THSD7B: variants seen among roughly 807,000 people sequenced by gnomAD.
THSD7B encodes thrombospondin type 1 domain containing 7B.
THSD7B carries 138 observed loss-of-function variants against 213.6 expected under a neutral mutation model. The observed-to-expected ratio is 0.65, with a 90% CI of 0.56 to 0.74. The LOEUF is 0.74. Among genes scored for constraint, THSD7B ranks in the 30% least tolerant of loss-of-function variants. THSD7B has a pLI of 0.00. For synonymous variants in THSD7B, 742 were observed against 687.0 expected, an observed-to-expected ratio of 1.08 and a Z score of -1.25; for missense variants, 1,931 against 1,991.5, an observed-to-expected ratio of 0.97 and a Z score of 0.58.
At chr2:137,634,199 T>C (rs1682791485) in intron 20 of THSD7B, among the ~76,000 whole-genome samples, 1 of 152,146 alleles carries the variant, frequency 6.6e-6, no homozygotes, top group Non-Finnish European at 1.5e-5. Context: ...CATGGTGTTT[T>C]AGTTGGCCAA....
chr2:136,978,917 G>A (rs528916080), intron 2 of THSD7B, among the ~76,000 whole-genome samples: 1 of 150,580 alleles, frequency 6.6e-6, no homozygotes, highest in South Asian at 2.1e-4. Flanking sequence ...TTTTTTTGTA[G>A]TGGTTGGTAT....
rs189630630 is a variant in THSD7B, at chr2:137,040,000, C to T, written c.140-16420C>T. Among the ~76,000 whole-genome samples the T allele has an allele frequency of 5.6e-4, 85 of 152,296 alleles. No individual in the cohort carries two copies. The East Asian group carries it at 0.015, about 28-fold the overall frequency. On this transcript the variant is annotated intron_variant, in intron 2 of 27. Transcript: ENST00000409968. ...CTTCTATGGAACCTCTGCTCCTTCC[C>T]CACTGCCTGCTCAGGCCAGGCTTTC... is the stretch of plus-strand genomic sequence containing the variant.
chr2:136,856,167 C>T (rs139861379), intron 1 of THSD7B, among the ~76,000 whole-genome samples: 4 of 152,154 alleles, frequency 2.6e-5, no homozygotes, highest in African/African-American at 9.7e-5. Context: ...CTTGGACAGT[C>T]ACTGGCATAT....
intron 1 of THSD7B, among the ~76,000 whole-genome samples, chr2:136,791,215 A>C (rs1681958866): frequency 6.6e-6 from 1 of 152,038 alleles, no homozygotes; most frequent in African/African-American, 2.4e-5. Context: ...CCCCTCCAAA[A>C]ATACAAAACT....
chr2:137,115,614 A>T (rs1688435574), intron 5 of THSD7B, among the ~76,000 whole-genome samples: 2 of 152,156 alleles, frequency 1.3e-5, no homozygotes, highest in Admixed American at 6.5e-5. Flanking sequence ...AATGAATGGC[A>T]TTCTTTTTTG....
chr2:137,281,105 C>A (rs1573930733), intron 12 of THSD7B, among the ~76,000 whole-genome samples: 1 of 152,002 alleles, frequency 6.6e-6, no homozygotes, highest in African/African-American at 2.4e-5. Flanking sequence ...TATCTGTAGT[C>A]TTTTTTGGTT....
chr2:137,533,733 C>T (rs1680445133), intron 15 of THSD7B, among the ~76,000 whole-genome samples: 1 of 151,844 alleles, frequency 6.6e-6, no homozygotes, highest in Admixed American at 6.6e-5. Flanking sequence ...CCTGGGCTGC[C>T]ACTGACAGGG....
rs527840535 is a variant in THSD7B, at chr2:137,542,206, G to A, written c.3139-21015G>A. 1.1e-4 allele frequency among the ~76,000 whole-genome samples: 17 copies of A among 151,676 alleles called. No homozygotes were observed. The South Asian group carries it at 2.9e-3, about 26-fold the overall frequency. ...AAAGAATCTTGACAGCAGCAAAACA[G>A]AAGTGACTTATTGTAAACAAATGAG... On this transcript the variant is annotated intron_variant, in intron 15 of 27. Coordinates refer to ENST00000409968, the MANE Select transcript of THSD7B (RefSeq NM_001316349.2).
rs1347293211 is a variant in THSD7B, at chr2:137,676,649, C to T, written c.*44C>T. 6.7e-7 allele frequency: 1 copy of T among 1,494,690 alleles called. No homozygotes were observed. Among genetic ancestry groups the T allele is most frequent in the South Asian group, 1.3e-5 (1 of 76,016 alleles). The allele number at this position is 1,494,690 out of a possible 1,614,324, so 92.6% of individuals were successfully genotyped here. On this transcript the variant is annotated 3_prime_UTR_variant, in exon 28 of 28. Transcript: ENST00000409968. ...ATGTAGACATCAACTGCCTTAACCG[C>T]TTTCTCTTTTGTAGCTCTCAGACTT...
intron 12 of THSD7B, among the ~76,000 whole-genome samples, chr2:137,395,645 C>G (rs1477498427): frequency 6.6e-6 from 1 of 152,096 alleles, no homozygotes; most frequent in African/African-American, 2.4e-5. Context: ...GTGTCTCTGT[C>G]CAGCTTTGGT....
In THSD7B at chr2:136,952,491, T is replaced by A. The variant is rs540976534; in HGVS notation, c.139+70174T>A. 4.1e-5 allele frequency among the ~76,000 whole-genome samples: 6 copies of A among 148,114 alleles called. No homozygotes were observed. The Admixed American group carries it at 4.1e-4, about 10-fold the overall frequency. ...TAGTGAATCTATTTTCCTGGAAATA[T>A]CTGAGATGATTTAATCTCAAACTCG... On this transcript the variant is annotated intron_variant, in intron 2 of 27. Coordinates refer to ENST00000409968, the MANE Select transcript of THSD7B (RefSeq NM_001316349.2).
intron 16 of THSD7B, among the ~76,000 whole-genome samples, chr2:137,567,504 G>C (rs1287618501): frequency 6.6e-6 from 1 of 152,090 alleles, no homozygotes; most frequent in Non-Finnish European, 1.5e-5. Flanking sequence ...GAACAGCAAG[G>C]GATACAGTTT....
At chr2:137,317,205 A>G (rs1327405785) in intron 12 of THSD7B, among the ~76,000 whole-genome samples, 1 of 152,118 alleles carries the variant, frequency 6.6e-6, no homozygotes, top group Non-Finnish European at 1.5e-5. Flanking sequence ...CCTACATACT[A>G]ATTATCTGAT....
At chr2:137,284,601 CTTTG>C (rs1683121838) in intron 12 of THSD7B, among the ~76,000 whole-genome samples, 1 of 152,062 alleles carries the variant, frequency 6.6e-6, no homozygotes, top group African/African-American at 2.4e-5. Context: ...TATGTTGTGT[CTTTG>C]TTGTCGTTGG....
At chr2:137,157,729 C>T (rs34769673) in intron 5 of THSD7B, among the ~76,000 whole-genome samples, 7,051 of 152,254 alleles carry the variant, frequency 0.046, 204 homozygotes, top group Admixed American at 0.07. Context: ...CATTTCTGTG[C>T]CTCAGTTTCC....
chr2:137,149,217 A>G (rs1357470482), intron 5 of THSD7B, among the ~76,000 whole-genome samples: 1 of 152,200 alleles, frequency 6.6e-6, no homozygotes, highest in South Asian at 2.1e-4. Context: ...GAAGTCAAGA[A>G]TAAAGGTTTG....
At chr2:137,137,243 G>A (rs1679483417) in intron 5 of THSD7B, among the ~76,000 whole-genome samples, 1 of 152,108 alleles carries the variant, frequency 6.6e-6, no homozygotes, top group Non-Finnish European at 1.5e-5. Flanking sequence ...ATCACCCCCA[G>A]AAGGTTTCCT....
At chr2:137,308,277 G>T (rs949853645) in intron 12 of THSD7B, among the ~76,000 whole-genome samples, 1 of 151,968 alleles carries the variant, frequency 6.6e-6, no homozygotes, top group African/African-American at 2.4e-5. Context: ...GAGCAGGCCT[G>T]TTCAGTGTGT....
At chr2:137,199,530 A>G (rs1680835123) in intron 7 of THSD7B, among the ~76,000 whole-genome samples, 1 of 152,180 alleles carries the variant, frequency 6.6e-6, no homozygotes, top group Non-Finnish European at 1.5e-5. Context: ...ATATTAGCTA[A>G]TTCCTTTGAG....
Sources: allele counts gnomAD v4.1 joint callset (sites outside exome capture counted in the v4.1 genomes callset), GRCh38; gene constraint gnomAD v4.1.1; transcripts MANE v1.5; gene names NCBI Gene and HGNC (gene_info 2026-07-23, HGNC 2026-07-21).